TGFBR3: variants seen among roughly 807,000 people sequenced by gnomAD.
TGFBR3 encodes the protein transforming growth factor beta receptor 3, also known as transforming growth factor beta receptor type 3.
In TGFBR3, 46 loss-of-function variants were observed where a neutral mutation model predicts 87.9. The observed-to-expected ratio is 0.52, with a 90% CI of 0.41 to 0.67. TGFBR3 has a LOEUF of 0.67. TGFBR3 is among the 30% of genes least tolerant of loss of function. The pLI, the probability that TGFBR3 is intolerant of heterozygous loss-of-function variation, is 0.00. For missense variants in TGFBR3, 866 were observed against 1,041.9 expected (o/e 0.83, Z 2.32); for synonymous variants, 381 against 391.6 (o/e 0.97, Z 0.32).
chr1:91,681,015 A>G lies in TGFBR3; in HGVS notation c.*2724T>C. On this transcript the variant is annotated 3_prime_UTR_variant, in exon 17 of 17. Coordinates refer to ENST00000212355, the MANE Select transcript of TGFBR3 (RefSeq NM_003243.5). ...TCTGCCTTGGAGTTTGGGGCATTTT[A>G]ACAACAGCTTCAGCATCAAACAAAC... 2.2e-6 allele frequency: 1 copy of G among 454,016 alleles called. No individual in the cohort carries two copies. The highest frequency in any genetic ancestry group is 6.9e-5 in the East Asian group (1 of 14,414). The allele number at this position is 454,016 out of a possible 1,614,324, so 28.1% of individuals were successfully genotyped here. A position where few individuals can be genotyped will look rare whatever the true frequency, so the allele number is the denominator to read the frequency against.
At chr1:91,705,509 G>A (rs1671771959) in intron 14 of TGFBR3, among the ~76,000 whole-genome samples, 3 of 152,108 alleles carry the variant, frequency 2.0e-5, no homozygotes, top group South Asian at 2.1e-4. Flanking sequence ...GATTACAGGC[G>A]TGAGCCACTG....
rs535115530 is a variant in TGFBR3 at position 91,823,121 on chromosome 1, T to G, written c.62-25650A>C. 2.0e-5 allele frequency among the ~76,000 whole-genome samples: 3 copies of G among 152,098 alleles called. No homozygotes were observed. The South Asian group carries it at 6.2e-4, about 32-fold the overall frequency. ...GCCAGTGAACACTCAATCATCAAGGTGTTAAGGGAGCCTGGAGGGGGAGCC... is the reference window on the plus strand; with the variant it reads ...GCCAGTGAACACTCAATCATCAAGGGGTTAAGGGAGCCTGGAGGGGGAGCC... On this transcript the variant is annotated intron_variant, in intron 2 of 16. Transcript: ENST00000212355.
At position 91,729,949 on chromosome 1, in the gene TGFBR3, T is replaced by A. The variant is rs1672704963; in HGVS notation, c.593A>T (p.Asn198Ile). The part of the protein sequence containing the change: ...GEDQVFPPKC[N>I]IGKNFLSLNY... The stretch of plus-strand genomic sequence containing the variant: ...GAGTGAGAGAAAATTCTTCCCTATG[T>A]TGCACTTTGGAGGGAACACTTGATC... The change falls in exon 6 of 17, where the codon AAC becomes ATC. Residue 198 changes from asparagine to isoleucine, a missense_variant. Coordinates refer to ENST00000212355, the MANE Select transcript of TGFBR3 (RefSeq NM_003243.5). 6.2e-7 allele frequency: 1 copy of A among 1,614,166 alleles called. No homozygotes were observed. Among genetic ancestry groups the A allele is most frequent in the Non-Finnish European group, 8.5e-7 (1 of 1,180,030 alleles).
chr1:91,750,410 C>T (rs531754604), intron 4 of TGFBR3, among the ~76,000 whole-genome samples: 8 of 152,120 alleles, frequency 5.3e-5, no homozygotes, highest in Non-Finnish European at 1.2e-4. Flanking sequence ...CACAATAGGG[C>T]CAAAAACTCC....
At chr1:91,718,110 T>C (rs1156639136) in intron 10 of TGFBR3, among the ~76,000 whole-genome samples, 1 of 152,120 alleles carries the variant, frequency 6.6e-6, no homozygotes, top group African/African-American at 2.4e-5. Flanking sequence ...TAGCCTGGTG[T>C]CTAGGAAAGA....
intron 14 of TGFBR3, among the ~76,000 whole-genome samples, chr1:91,701,824 C>T (rs936085164): frequency 1.3e-5 from 2 of 152,156 alleles, no homozygotes; most frequent in African/African-American, 2.4e-5. Context: ...CTCCTGGAGA[C>T]TCAGGAGGTC....
intron 1 of TGFBR3, among the ~76,000 whole-genome samples, chr1:91,884,306 G>A (rs1283425908): frequency 1.3e-5 from 2 of 148,604 alleles, no homozygotes; most frequent in African/African-American, 2.5e-5. Flanking sequence ...GGGACAGAGC[G>A]AGACTCTGTC....
chr1:91,802,236 C>T (rs1435806973), intron 2 of TGFBR3, among the ~76,000 whole-genome samples: 1 of 152,180 alleles, frequency 6.6e-6, no homozygotes, highest in Non-Finnish European at 1.5e-5. Flanking sequence ...AAATGCCTGC[C>T]AGGCCTTCCT....
intron 2 of TGFBR3, among the ~76,000 whole-genome samples, chr1:91,799,779 A>G (rs1324007695): frequency 6.6e-6 from 1 of 152,092 alleles, no homozygotes; most frequent in Non-Finnish European, 1.5e-5. Flanking sequence ...ACCCATTAAG[A>G]TCTTCCTTAA....
chr1:91,687,916 C>A (rs547777556), intron 16 of TGFBR3, among the ~76,000 whole-genome samples: 4 of 152,154 alleles, frequency 2.6e-5, no homozygotes, highest in Non-Finnish European at 4.4e-5. Flanking sequence ...TCTAGATCTA[C>A]GTGTTGGATG....
chr1:91,750,019 G>C (rs150173711), intron 4 of TGFBR3, among the ~76,000 whole-genome samples: 1 of 152,240 alleles, frequency 6.6e-6, no homozygotes, highest in African/African-American at 2.4e-5. Context: ...GACTCCACAC[G>C]AAGAAACACC....
intron 2 of TGFBR3, among the ~76,000 whole-genome samples, chr1:91,859,059 A>C (rs891905914): frequency 1.3e-4 from 18 of 139,476 alleles, no homozygotes; most frequent in Admixed American, 1.3e-3. Flanking sequence ...ACTCTGTATC[A>C]AAAAAAAAAA....
chr1:91,797,316 C>T lies in TGFBR3; in HGVS notation c.217G>A (p.Gly73Ser), dbSNP rs1353209486. 1 of 1,614,190 alleles carries T rather than the reference C, an allele frequency of 6.2e-7. No individual in the cohort carries two copies. Among genetic ancestry groups the T allele is most frequent in the Non-Finnish European group, 8.5e-7 (1 of 1,180,024 alleles). Residue 73 changes from glycine (G) to serine (S), a missense_variant, in exon 3 of 17, where the codon GGC becomes AGC. Transcript: ENST00000212355. ...CTCTGTAGCTGGCCAGGCCCCTGGC[C>T]TGCAGTGCGGAGATTCAGGACATGC... is the stretch of plus-strand genomic sequence containing the variant. ...EVHVLNLRTA[G>S]QGPGQLQREV...
chr1:91,864,581 T>C (rs1045990187), intron 1 of TGFBR3, among the ~76,000 whole-genome samples: 1 of 152,200 alleles, frequency 6.6e-6, no homozygotes, highest in African/African-American at 2.4e-5. Flanking sequence ...AGAAGGTTTT[T>C]GTCTAATCTC....
chr1:91,708,902 A>G, intron 13 of TGFBR3, 119 bp from the exon 14 acceptor site: 1 of 1,406,348 alleles, frequency 7.1e-7, no homozygotes, highest in Non-Finnish European at 9.8e-7. Context: ...TTCACTACAG[A>G]AAAGCAAGAA....
chr1:91,697,985 A>T, intron 15 of TGFBR3, 104 bp downstream of exon 15: 1 of 1,045,160 alleles, frequency 9.6e-7, no homozygotes. Context: ...ATGAGAGCAG[A>T]AGTCTCCTTA....
intron 3 of TGFBR3, among the ~76,000 whole-genome samples, chr1:91,787,943 G>GGAAAAAAAAAAAAGAAAAAAA (rs945269870): frequency 7.5e-6 from 1 of 133,314 alleles, no homozygotes; most frequent in African/African-American, 3.1e-5. Flanking sequence ...GTCTCACGGG[G>GGAAAAAAAAAAAAGAAAAAAA]AAAAAAAAAA....
intron 14 of TGFBR3, among the ~76,000 whole-genome samples, chr1:91,701,350 T>A (rs1036066047): frequency 6.6e-6 from 1 of 152,084 alleles, no homozygotes; most frequent in Non-Finnish European, 1.5e-5. Flanking sequence ...CCCCTGAGTA[T>A]AACTAAAATG....
chr1:91,730,057 A>G (rs1202057989), intron 5 of TGFBR3, 84 bp from the exon 6 acceptor site: 20 of 1,478,010 alleles, frequency 1.4e-5, no homozygotes, highest in East Asian at 9.1e-5. Context: ...AGTGAAACTG[A>G]GCAAATGGCA....
Sources: gnomAD v4.1 joint callset for allele counts (sites outside exome capture counted in the v4.1 genomes callset) on GRCh38, gnomAD v4.1.1 for gene constraint, MANE v1.5 for transcripts, NCBI Gene and HGNC (gene_info 2026-07-23, HGNC 2026-07-21) for gene names.